CTNND2: variants seen among roughly 807,000 people sequenced by gnomAD.
CTNND2 encodes catenin delta-2.
CTNND2 carries 22 observed loss-of-function variants against 144.4 expected under a neutral mutation model. That is an observed-to-expected ratio of 0.15 (90% CI 0.11 to 0.22). The LOEUF (loss-of-function observed/expected upper bound fraction) is 0.22. Among genes scored for constraint, CTNND2 ranks in the 10% least tolerant of loss-of-function variants. The probability of loss-of-function intolerance (pLI) is 1.00; values close to 1 mark genes in which losing one functional copy is unlikely to be tolerated. For missense variants in CTNND2, 1,353 were observed against 1,618.8 expected (o/e 0.84, Z 2.82); for synonymous variants, 751 against 695.6 (o/e 1.08, Z -1.25).
intron 18 of CTNND2, among the ~76,000 whole-genome samples, chr5:11,003,320 G>T (rs554126451): frequency 6.6e-6 from 1 of 152,140 alleles, no homozygotes; most frequent in Non-Finnish European, 1.5e-5. Flanking sequence ...AGACTACTTC[G>T]CTGGGGACCT....
intron 1 of CTNND2, among the ~76,000 whole-genome samples, chr5:11,792,830 G>T (rs923324119): frequency 6.6e-6 from 1 of 152,140 alleles, no homozygotes; most frequent in Non-Finnish European, 1.5e-5. Context: ...CCTACGGAAG[G>T]CTTCCTTGCC....
rs576981318 is a variant in CTNND2, at chr5:11,563,311, G to A, written c.287+1633C>T. Among the ~76,000 whole-genome samples the A allele has an allele frequency of 5.9e-5, 9 of 152,306 alleles. No homozygotes were observed. In the East Asian group the frequency reaches 7.7e-4, roughly 13 times the overall value. On this transcript the variant is annotated intron_variant, in intron 3 of 21. Transcript: ENST00000304623. ...AAACAAGAGGCTTCAAAGCCAACTC[G>A]ACATCAAGTCAATGGTGCATATGGA...
At chr5:11,571,246 C>T (rs907637778) in intron 2 of CTNND2, among the ~76,000 whole-genome samples, 1 of 152,126 alleles carries the variant, frequency 6.6e-6, no homozygotes, top group African/African-American at 2.4e-5. Context: ...TGGCAGTCTG[C>T]TCATATGTGA....
chr5:11,385,256 C>T (rs1042215421), intron 6 of CTNND2, 27 bp from the exon 7 acceptor site: 172 of 1,058,436 alleles, frequency 1.6e-4, no homozygotes, highest in Non-Finnish European at 1.9e-4. Flanking sequence ...AGAGAACACG[C>T]GCACTTAGCG....
intron 3 of CTNND2, among the ~76,000 whole-genome samples, chr5:11,477,694 C>A (rs892196083): frequency 6.6e-6 from 1 of 152,276 alleles, no homozygotes; most frequent in African/African-American, 2.4e-5. Context: ...CGGTGTCTGA[C>A]AACACACTCG....
At chr5:11,018,500 T>G (rs1400072946) in intron 17 of CTNND2, among the ~76,000 whole-genome samples, 2 of 152,192 alleles carry the variant, frequency 1.3e-5, no homozygotes, top group Non-Finnish European at 2.9e-5. Flanking sequence ...GCTGGGCCTC[T>G]TGTGCCAAAC....
intron 2 of CTNND2, among the ~76,000 whole-genome samples, chr5:11,689,821 G>A (rs1022497948): frequency 1.3e-5 from 2 of 152,082 alleles, no homozygotes; most frequent in African/African-American, 2.4e-5. Context: ...AACTTAATAT[G>A]AGACTGCTGA....
intron 10 of CTNND2, among the ~76,000 whole-genome samples, chr5:11,207,097 G>A (rs1210996859): frequency 6.6e-6 from 1 of 152,176 alleles, no homozygotes; most frequent in Non-Finnish European, 1.5e-5. Context: ...GGACATGGAT[G>A]AAGCTGGAAA....
chr5:11,699,144 G>A (rs1351462912), intron 2 of CTNND2, among the ~76,000 whole-genome samples: 2 of 152,040 alleles, frequency 1.3e-5, no homozygotes, highest in African/African-American at 4.8e-5. Context: ...TCTATCGAAT[G>A]AGTAGCTGTA....
chr5:11,528,356 TC>T (rs1773447078), intron 3 of CTNND2, among the ~76,000 whole-genome samples: 1 of 152,010 alleles, frequency 6.6e-6, no homozygotes, highest in East Asian at 1.9e-4. Flanking sequence ...TCACTTTGTG[TC>T]AACAAGTAAA....
chr5:11,191,381 C>T (rs1021819434), intron 11 of CTNND2, among the ~76,000 whole-genome samples: 1 of 152,254 alleles, frequency 6.6e-6, no homozygotes, highest in South Asian at 2.1e-4. Flanking sequence ...GACACTGGAC[C>T]AAAACACCTG....
intron 2 of CTNND2, among the ~76,000 whole-genome samples, chr5:11,652,039 A>C (rs1410274515): frequency 1.3e-5 from 2 of 152,104 alleles, no homozygotes; most frequent in Non-Finnish European, 2.9e-5. Flanking sequence ...GAAGGACATG[A>C]GATTTGGGAG....
chr5:11,815,433 C>T (rs1250995478), intron 1 of CTNND2, among the ~76,000 whole-genome samples: 1 of 152,138 alleles, frequency 6.6e-6, no homozygotes, highest in Non-Finnish European at 1.5e-5. Context: ...AACCAATTGG[C>T]AGCTATTAAT....
chr5:11,342,274 A>C (rs1754354894), intron 9 of CTNND2, among the ~76,000 whole-genome samples: 1 of 152,252 alleles, frequency 6.6e-6, no homozygotes, highest in Non-Finnish European at 1.5e-5. Flanking sequence ...AACAGCACAC[A>C]AAATATAGTG....
intron 10 of CTNND2, among the ~76,000 whole-genome samples, chr5:11,212,038 A>G (rs61751775): frequency 6.6e-6 from 1 of 152,310 alleles, no homozygotes; most frequent in Non-Finnish European, 1.5e-5. Context: ...TACATGATGG[A>G]AAGTATTTTT....
At chr5:11,009,458 C>T (rs1040920370) in intron 18 of CTNND2, among the ~76,000 whole-genome samples, 3 of 152,182 alleles carry the variant, frequency 2.0e-5, no homozygotes, top group Admixed American at 1.3e-4. Flanking sequence ...GTCTCTCAAG[C>T]ACACCGAGTT....
At chr5:11,641,670 G>A (rs147182986) in intron 2 of CTNND2, among the ~76,000 whole-genome samples, 1,721 of 117,540 alleles carry the variant, frequency 0.015, 40 homozygotes, top group Non-Finnish European at 0.022. Context: ...ATACATATAC[G>A]TGTGTATATA....
At chr5:11,098,458 C>A in intron 15 of CTNND2, 117 bp downstream of exon 15, 1 of 932,216 alleles carries the variant, frequency 1.1e-6, no homozygotes, top group Non-Finnish European at 1.5e-6. Flanking sequence ...ATTTTTTTTT[C>A]TCTAACATCC....
intron 5 of CTNND2, among the ~76,000 whole-genome samples, chr5:11,409,800 T>C (rs1761369505): frequency 6.6e-6 from 1 of 152,142 alleles, no homozygotes; most frequent in Non-Finnish European, 1.5e-5. Flanking sequence ...TTAAATGTTA[T>C]GAATAACTCA....
Sources: gnomAD v4.1 joint callset for allele counts (sites outside exome capture counted in the v4.1 genomes callset) on GRCh38, gnomAD v4.1.1 for gene constraint, MANE v1.5 for transcripts, NCBI Gene and HGNC (gene_info 2026-07-23, HGNC 2026-07-21) for gene names.